The following RPF2 variants were observed in gnomAD, a reference collection of about 807,000 sequenced individuals.
RPF2 encodes the protein brix domain containing 1.
In RPF2, 21 loss-of-function variants were observed where a neutral mutation model predicts 38.9. The observed-to-expected ratio is 0.54, with a 90% confidence interval of 0.38 to 0.78. The LOEUF is 0.78. Ranked by LOEUF, RPF2 falls within the 30% of genes least tolerant of loss-of-function variation. The probability of loss-of-function intolerance (pLI) is 0.00; values close to 1 mark genes in which losing one functional copy is unlikely to be tolerated. For synonymous variants in RPF2, 121 were observed against 126.2 expected (o/e 0.96, Z 0.28); for missense variants, 314 against 358.1 (o/e 0.88, Z 0.99).
intron 4 of RPF2, among the ~76,000 whole-genome samples, chr6:110,992,751 C>T (rs910343348): frequency 1.3e-5 from 2 of 152,020 alleles, no homozygotes; most frequent in Non-Finnish European, 1.5e-5. Context: ...AATGGACTTT[C>T]AGTATGTGAT....
At chr6:111,025,274 C>CTA (rs1772303729) in intron 9 of RPF2, 129 bp from the exon 10 acceptor site, 2 of 617,624 alleles carry the variant, frequency 3.2e-6, no homozygotes, top group Non-Finnish European at 5.7e-6. Context: ...GTGTATAGGG[C>CTA]TATATACTGT....
chr6:110,983,799 G>A (rs1181003726), intron 1 of RPF2, among the ~76,000 whole-genome samples: 1 of 139,850 alleles, frequency 7.2e-6, no homozygotes, highest in Admixed American at 6.8e-5. Flanking sequence ...GCTGAGGCGG[G>A]GGGGTGGGTC....
chr6:110,988,629 G>A, intron 2 of RPF2, among the ~76,000 whole-genome samples: 1 of 152,064 alleles, frequency 6.6e-6, no homozygotes, highest in East Asian at 1.9e-4. Flanking sequence ...TAGAGACAGG[G>A]TTTTGCCATG....
At chr6:111,007,994 T>C in intron 6 of RPF2, 44 bp from the exon 7 acceptor site, 1 of 1,516,162 alleles carries the variant, frequency 6.6e-7, no homozygotes, top group Non-Finnish European at 8.8e-7. Flanking sequence ...ATAAACAGTT[T>C]AGACTTTGGT....
intron 7 of RPF2, among the ~76,000 whole-genome samples, chr6:111,013,676 A>G (rs1772057132): frequency 6.6e-6 from 1 of 152,232 alleles, no homozygotes; most frequent in South Asian, 2.1e-4. Context: ...ACTGGAATGT[A>G]CATATTTCGT....
rs189426272 is a variant in RPF2, at chr6:110,998,030, G to A, written c.316+766G>A. On this transcript the variant is annotated intron_variant, in intron 5 of 9. Transcript: ENST00000441448. ...AGCAATTCTCCTGCCTCAGCCTCCC[G>A]AGTAGCTGGGACTACAAGTGCCCAC... Among the ~76,000 whole-genome samples the A allele has an allele frequency of 3.3e-3, 498 of 151,654 alleles. 2 individuals are homozygous for A. Among genetic ancestry groups the A allele is most frequent in the African/African-American group, 0.011 (470 of 41,326 alleles).
intron 7 of RPF2, among the ~76,000 whole-genome samples, chr6:111,012,427 C>T (rs1772033545): frequency 6.6e-6 from 1 of 152,084 alleles, no homozygotes; most frequent in Admixed American, 6.6e-5. Flanking sequence ...CAGCCTCAGC[C>T]TCCCAAAGTT....
intron 5 of RPF2, among the ~76,000 whole-genome samples, chr6:110,998,709 C>T (rs1771761837): frequency 6.6e-6 from 1 of 152,098 alleles, no homozygotes; most frequent in South Asian, 2.1e-4. Flanking sequence ...CCAGGAATGT[C>T]AGGCGACCAT....
chr6:111,017,599 C>T (rs1354107107), intron 8 of RPF2, among the ~76,000 whole-genome samples: 1 of 151,120 alleles, frequency 6.6e-6, no homozygotes, highest in Non-Finnish European at 1.5e-5. Flanking sequence ...CAGAGGCGCT[C>T]CTCACATCCC....
chr6:110,991,653 A>G (rs191233714), intron 3 of RPF2, 94 bp from the exon 4 acceptor site: 10 of 452,940 alleles, frequency 2.2e-5, no homozygotes, highest in Non-Finnish European at 3.6e-5. Context: ...TATCCTTTCA[A>G]TTGTTTTATC....
rs531036030 is a variant in RPF2 at position 111,024,870 on chromosome 6, T to C, written c.742-533T>C. On this transcript the variant is annotated intron_variant, in intron 9 of 9. Coordinates refer to ENST00000441448, the MANE Select transcript of RPF2 (RefSeq NM_032194.3). ...ACATGAGGTTTGGCTAAGTGCCTTC[T>C]GATAGTCAAGACTGTTGTTTTCAGC... is the stretch of plus-strand genomic sequence containing the variant. Among the ~76,000 whole-genome samples, 23 of 152,324 alleles carry C rather than the reference T, an allele frequency of 1.5e-4. 1 individual carries two copies. In the South Asian group the frequency reaches 4.4e-3, roughly 29 times the overall value.
intron 7 of RPF2, among the ~76,000 whole-genome samples, chr6:111,010,476 C>T (rs1227744262): frequency 1.3e-5 from 2 of 152,148 alleles, no homozygotes; most frequent in Non-Finnish European, 2.9e-5. Flanking sequence ...TCTTTTCCCT[C>T]ATGGGGATTG....
At chr6:111,006,966 G>C (rs1771920174) in intron 6 of RPF2, among the ~76,000 whole-genome samples, 1 of 152,074 alleles carries the variant, frequency 6.6e-6, no homozygotes, top group Admixed American at 6.6e-5. Flanking sequence ...CCAGCTACTT[G>C]AGAGGTGGAG....
intron 1 of RPF2, chr6:110,982,479 T>A (rs1771449610): frequency 3.0e-6 from 1 of 337,780 alleles, no homozygotes; most frequent in South Asian, 4.5e-5. Flanking sequence ...GTCTGGCGCG[T>A]CCACTTAAAG....
At chr6:110,999,189 T>C (rs1462436266) in intron 5 of RPF2, among the ~76,000 whole-genome samples, 2 of 152,114 alleles carry the variant, frequency 1.3e-5, no homozygotes, top group African/African-American at 4.8e-5. Flanking sequence ...TGCAGCACAA[T>C]TACTTTATAC....
At chr6:110,995,746 AT>A (rs1167633507) in intron 4 of RPF2, among the ~76,000 whole-genome samples, 2 of 152,096 alleles carry the variant, frequency 1.3e-5, no homozygotes, top group Non-Finnish European at 2.9e-5. Context: ...CCACACCTAG[AT>A]TTTTTTAGTA....
At chr6:111,011,308 C>CTTTTTT (rs113226329) in intron 7 of RPF2, among the ~76,000 whole-genome samples, 3 of 88,248 alleles carry the variant, frequency 3.4e-5, no homozygotes, top group East Asian at 1.1e-3. Context: ...TTCTTTCTTT[C>CTTTTTT]TTTTTTTTTT....
At chr6:111,001,216 A>C (rs1270511865) in intron 6 of RPF2, among the ~76,000 whole-genome samples, 4 of 152,184 alleles carry the variant, frequency 2.6e-5, no homozygotes, top group Non-Finnish European at 4.4e-5. Flanking sequence ...GGCTTCCTTG[A>C]CCTTCAGTTG....
intron 7 of RPF2, among the ~76,000 whole-genome samples, chr6:111,011,287 TCTTTC>T (rs1772008641): frequency 7.0e-6 from 1 of 142,620 alleles, no homozygotes; most frequent in East Asian, 2.3e-4. Context: ...TTTCTTTCTT[TCTTTC>T]TTTCTTTCTT....
Sources: gnomAD v4.1 joint callset for allele counts (sites outside exome capture counted in the v4.1 genomes callset) on GRCh38, gnomAD v4.1.1 for gene constraint, MANE v1.5 for transcripts, NCBI Gene and HGNC (gene_info 2026-07-23, HGNC 2026-07-21) for gene names.